The following HIF1A variants were observed in gnomAD, a reference collection of about 807,000 sequenced individuals.
The protein encoded by HIF1A is hypoxia inducible factor 1 subunit alpha, also known as hypoxia-inducible factor 1-alpha.
A neutral mutation model predicts 92.7 loss-of-function variants in HIF1A; 24 were observed. The ratio of observed to expected loss-of-function variants is 0.26; its 90% CI spans 0.19 to 0.36. The LOEUF (loss-of-function observed/expected upper bound fraction) is 0.36. HIF1A is among the 10% of genes least tolerant of loss of function. The pLI is 1.00. For synonymous variants in HIF1A, 319 were observed against 338.7 expected (o/e 0.94, Z 0.64); for missense variants, 799 against 998.5 (o/e 0.80, Z 2.69).
At chr14:61,703,076 T>C (rs1002729466) in intron 1 of HIF1A, among the ~76,000 whole-genome samples, 9 of 152,192 alleles carry the variant, frequency 5.9e-5, no homozygotes, top group African/African-American at 2.2e-4. Context: ...TGCCTTTTTA[T>C]CAAACCTATT....
intron 1 of HIF1A, among the ~76,000 whole-genome samples, chr14:61,709,630 A>G (rs1435724563): frequency 2.0e-5 from 3 of 152,246 alleles, no homozygotes; most frequent in South Asian, 2.1e-4. Context: ...GATCTAAACC[A>G]AGAAATTTAG....
At chr14:61,706,866 C>T (rs1433497588) in intron 1 of HIF1A, among the ~76,000 whole-genome samples, 3 of 152,118 alleles carry the variant, frequency 2.0e-5, no homozygotes, top group African/African-American at 4.8e-5. Context: ...ATTTGAATTT[C>T]CAGGGTTGGG....
intron 10 of HIF1A, among the ~76,000 whole-genome samples, chr14:61,739,459 G>GCA (rs2044679648): frequency 5.9e-5 from 9 of 152,088 alleles, no homozygotes; most frequent in Admixed American, 5.9e-4. Flanking sequence ...TTAATAAGTG[G>GCA]TAAATAATTC....
chr14:61,734,514 C>G (rs1594881270), intron 8 of HIF1A, among the ~76,000 whole-genome samples: 1 of 152,130 alleles, frequency 6.6e-6, no homozygotes, highest in East Asian at 1.9e-4. Context: ...ACCTTCACTC[C>G]TATTTTTAAA....
chr14:61,734,067 T>A, intron 7 of HIF1A, 71 bp from the exon 8 acceptor site: 1 of 991,064 alleles, frequency 1.0e-6, no homozygotes, highest in Non-Finnish European at 1.4e-6. Context: ...ACATTCAGCA[T>A]CTGTTCATTT....
chr14:61,709,241 T>C (rs2044279917), intron 1 of HIF1A, among the ~76,000 whole-genome samples: 1 of 152,196 alleles, frequency 6.6e-6, no homozygotes, highest in South Asian at 2.1e-4. Context: ...GTTGAGAGGC[T>C]CAACACCAAT....
chr14:61,738,422 T>A (rs2044665609), intron 10 of HIF1A, 49 bp downstream of exon 10: 1 of 1,412,956 alleles, frequency 7.1e-7, no homozygotes, highest in Non-Finnish European at 9.7e-7. Flanking sequence ...GATTTTAACA[T>A]TCAAGAATGT....
intron 12 of HIF1A, among the ~76,000 whole-genome samples, chr14:61,743,903 A>G (rs915681248): frequency 1.3e-5 from 2 of 152,178 alleles, no homozygotes; most frequent in Non-Finnish European, 2.9e-5. Flanking sequence ...TATTGCAACT[A>G]GTGAGCAGTA....
At chr14:61,740,654 A>C in intron 11 of HIF1A, 27 bp downstream of exon 11, 1 of 1,559,290 alleles carries the variant, frequency 6.4e-7, no homozygotes, top group Non-Finnish European at 8.7e-7. Context: ...GTTTTATATT[A>C]AATTTCATTA....
intron 6 of HIF1A, among the ~76,000 whole-genome samples, chr14:61,729,213 G>A (rs2044544028): frequency 6.6e-6 from 1 of 152,106 alleles, no homozygotes; most frequent in Non-Finnish European, 1.5e-5. Context: ...TATAATCCTA[G>A]CACTGTGGGA....
chr14:61,734,761 A>G (rs1386592383), intron 8 of HIF1A, among the ~76,000 whole-genome samples: 6 of 145,746 alleles, frequency 4.1e-5, no homozygotes, highest in African/African-American at 7.9e-5. Context: ...ATGAAATTCT[A>G]TGAGATTAGG....
intron 7 of HIF1A, among the ~76,000 whole-genome samples, chr14:61,733,171 C>T (rs561207180): frequency 3.3e-5 from 5 of 152,206 alleles, no homozygotes; most frequent in East Asian, 1.9e-4. Context: ...CTGCAACCCC[C>T]GCCTACCGGG....
chr14:61,737,441 G>C (rs1415810020), intron 9 of HIF1A, among the ~76,000 whole-genome samples: 1 of 152,098 alleles, frequency 6.6e-6, no homozygotes, highest in African/African-American at 2.4e-5. Flanking sequence ...AGGCATTGTT[G>C]CATTAAAGGA....
intron 2 of HIF1A, among the ~76,000 whole-genome samples, chr14:61,721,109 T>C (rs2044421672): frequency 6.6e-6 from 1 of 152,014 alleles, no homozygotes; most frequent in Non-Finnish European, 1.5e-5. Flanking sequence ...GGCACGCTGG[T>C]AGGTGCCTGT....
chr14:61,747,074 C>A lies in HIF1A; in HGVS notation c.2470C>A (p.Gln824Lys). The change falls in exon 15 of 15, where the codon CAA becomes AAA. Residue 824 changes from glutamine to lysine, a missense_variant. Physicochemically the swap from Gln to Lys is moderately conservative, Grantham distance 53. Transcript: ENST00000337138. ...QGEELLRALDQVN is the reference protein window; with the variant it reads ...QGEELLRALDKVN The stretch of plus-strand genomic sequence containing the variant: ...TGAAGAATTACTCAGAGCTTTGGAT[C>A]AAGTTAACTGAGCTTTTTCTTAATT... The A allele has an allele frequency of 1.2e-6, 2 of 1,608,322 alleles. No individual in the cohort carries two copies. The highest frequency in any genetic ancestry group is 1.3e-5 in the African/African-American group (1 of 74,714).
chr14:61,740,428 C>G (rs2044695461), intron 10 of HIF1A, 77 bp from the exon 11 acceptor site: 2 of 1,077,144 alleles, frequency 1.9e-6, no homozygotes, highest in East Asian at 4.9e-5. Flanking sequence ...TTTCTGAGAT[C>G]TAGTTTGAAA....
intron 1 of HIF1A, among the ~76,000 whole-genome samples, chr14:61,698,544 CT>C (rs2044141335): frequency 2.6e-5 from 4 of 152,180 alleles, no homozygotes; most frequent in Admixed American, 2.6e-4. Context: ...TGTTAAAATT[CT>C]TGTTTAAACT....
intron 1 of HIF1A, 38 bp downstream of exon 1, chr14:61,695,877 G>A: frequency 6.5e-7 from 1 of 1,549,494 alleles, no homozygotes; most frequent in Non-Finnish European, 8.7e-7. Flanking sequence ...TTCTCCCCCG[G>A]CGACCCCGCC....
In HIF1A at chr14:61,747,935, G is replaced by A. The variant is rs2044814620; in HGVS notation, c.*850G>A. On this transcript the variant is annotated 3_prime_UTR_variant, in exon 15 of 15. Coordinates refer to ENST00000337138, the MANE Select transcript of HIF1A (RefSeq NM_001530.4). Reference sequence around the variant, plus strand: ...ACCTAAATGTTCTGCCTACCCTGTTGGTATAAAGATATTTTGAGCAGACTG... The same window carrying A: ...ACCTAAATGTTCTGCCTACCCTGTTAGTATAAAGATATTTTGAGCAGACTG... 6.6e-6 allele frequency: 1 copy of A among 151,912 alleles called. No homozygotes were observed. The highest frequency in any genetic ancestry group is 2.1e-4 in the South Asian group (1 of 4,806). 9.4% of individuals were successfully genotyped at this position (151,912 alleles called of 1,614,324 possible). A position where few individuals can be genotyped will look rare whatever the true frequency, so the allele number is the denominator to read the frequency against.
Sources: allele counts gnomAD v4.1 joint callset (sites outside exome capture counted in the v4.1 genomes callset), GRCh38; gene constraint gnomAD v4.1.1; transcripts MANE v1.5; gene names NCBI Gene and HGNC (gene_info 2026-07-23, HGNC 2026-07-21).